CSMD3: variants seen among roughly 807,000 people sequenced by gnomAD.
CSMD3 encodes the protein CUB and Sushi multiple domains 3.
CSMD3 carries 177 observed loss-of-function variants against 435.2 expected under a neutral mutation model. The observed-to-expected ratio is 0.41, with a 90% CI of 0.36 to 0.46. The LOEUF (loss-of-function observed/expected upper bound fraction) is 0.46, where lower values mean the gene tolerates loss of function less well. Among genes scored for constraint, CSMD3 ranks in the 20% least tolerant of loss-of-function variants. The pLI, the probability that CSMD3 is intolerant of heterozygous loss-of-function variation, is 0.34. For synonymous variants in CSMD3, 1,656 were observed against 1,520.5 expected (o/e 1.09, Z -2.07); for missense variants, 4,265 against 4,504.6 (o/e 0.95, Z 1.52).
At chr8:113,338,137 C>A (rs2094090895) in intron 1 of CSMD3, among the ~76,000 whole-genome samples, 1 of 151,606 alleles carries the variant, frequency 6.6e-6, no homozygotes, top group African/African-American at 2.4e-5. Context: ...TTAGTAGTCA[C>A]CCTGGTAAAA....
At position 112,472,716 on chromosome 8, in the gene CSMD3, A is replaced by C. The variant is rs947726474; in HGVS notation, c.5279-9T>G. ...ACGACTTCCACAGGGCGCTAGGAAA[A>C]AATGGCAAAAATATCATTTTTAGAA... On this transcript the variant is annotated splice_polypyrimidine_tract_variant and intron_variant, in intron 31 of 70. Coordinates refer to ENST00000297405, the MANE Select transcript of CSMD3 (RefSeq NM_198123.2). The C allele has an allele frequency of 1.4e-6, 2 of 1,456,556 alleles. No individual in the cohort carries two copies. The highest frequency in any genetic ancestry group is 2.8e-5 in the African/African-American group (2 of 71,902). The allele number at this position is 1,456,556 out of a possible 1,614,324, so 90.2% of individuals were successfully genotyped here.
At chr8:113,273,957 T>C (rs940109778) in intron 3 of CSMD3, among the ~76,000 whole-genome samples, 2 of 152,014 alleles carry the variant, frequency 1.3e-5, no homozygotes, top group Non-Finnish European at 2.9e-5. Context: ...AAATAAAATA[T>C]AAGAATAAGT....
chr8:113,402,008 C>T (rs1312468593), intron 1 of CSMD3, among the ~76,000 whole-genome samples: 1 of 151,412 alleles, frequency 6.6e-6, no homozygotes, highest in Non-Finnish European at 1.5e-5. Context: ...CTGAATGTGT[C>T]CCCATCTTTA....
At chr8:112,252,333 G>T (rs970370497) in intron 63 of CSMD3, among the ~76,000 whole-genome samples, 2 of 151,880 alleles carry the variant, frequency 1.3e-5, no homozygotes, top group Non-Finnish European at 2.9e-5. Flanking sequence ...TTGGCCATAT[G>T]GCCAATCTGC....
intron 5 of CSMD3, among the ~76,000 whole-genome samples, chr8:113,090,720 T>C (rs971291286): frequency 6.6e-6 from 1 of 152,152 alleles, no homozygotes; most frequent in Non-Finnish European, 1.5e-5. Flanking sequence ...TGCTTACATA[T>C]AAGTTAACAA....
At chr8:112,751,985 T>C (rs765140060) in intron 13 of CSMD3, among the ~76,000 whole-genome samples, 7 of 152,026 alleles carry the variant, frequency 4.6e-5, no homozygotes, top group Non-Finnish European at 8.8e-5. Context: ...CTCTCCCACA[T>C]CATGTTTCCA....
At chr8:113,291,387 T>C (rs193161557) in intron 2 of CSMD3, among the ~76,000 whole-genome samples, 1 of 151,944 alleles carries the variant, frequency 6.6e-6, no homozygotes, top group Admixed American at 6.6e-5. Flanking sequence ...TAGGACTTCA[T>C]TGGGGGAATT....
rs565352317 is a variant in CSMD3, at chr8:112,594,253, C to T, written c.3716-7018G>A. On this transcript the variant is annotated intron_variant, in intron 22 of 70. Transcript: ENST00000297405. ...TCCCTTTCCGAGTCAAAGAAAGGGGCGATGGACGCACCTGGAAAATCGGGT... is the reference window on the plus strand; with the variant it reads ...TCCCTTTCCGAGTCAAAGAAAGGGGTGATGGACGCACCTGGAAAATCGGGT... 7.2e-5 allele frequency among the ~76,000 whole-genome samples: 11 copies of T among 152,202 alleles called. No individual in the cohort carries two copies. In the East Asian group the frequency reaches 1.6e-3, roughly 22 times the overall value.
chr8:113,132,407 G>C (rs2091306243), intron 4 of CSMD3, among the ~76,000 whole-genome samples: 1 of 152,098 alleles, frequency 6.6e-6, no homozygotes, highest in East Asian at 1.9e-4. Flanking sequence ...ATTGGATCAT[G>C]GGTACAGGTT....
At chr8:113,234,785 T>C (rs150683852) in intron 3 of CSMD3, among the ~76,000 whole-genome samples, 1 of 152,260 alleles carries the variant, frequency 6.6e-6, no homozygotes, top group East Asian at 1.9e-4. Context: ...ATGGTGTATC[T>C]ATGGAATGAA....
intron 1 of CSMD3, among the ~76,000 whole-genome samples, chr8:113,435,135 AC>A (rs2094697850): frequency 6.6e-6 from 1 of 152,048 alleles, no homozygotes; most frequent in African/African-American, 2.4e-5. Flanking sequence ...CGACAAAGAA[AC>A]CTTGTAAGCA....
intron 9 of CSMD3, 44 bp downstream of exon 9, chr8:112,947,746 A>G (rs1370245624): frequency 5.9e-6 from 5 of 843,222 alleles, no homozygotes; most frequent in Non-Finnish European, 8.2e-6. Flanking sequence ...ATTAAAATAA[A>G]CCTTGACAAG....
At chr8:113,373,280 T>A (rs987002318) in intron 1 of CSMD3, among the ~76,000 whole-genome samples, 7 of 152,072 alleles carry the variant, frequency 4.6e-5, no homozygotes, top group African/African-American at 1.7e-4. Context: ...ATCTCTGCAT[T>A]TATTTACTCG....
At chr8:113,092,412 T>C (rs1012070878) in intron 5 of CSMD3, among the ~76,000 whole-genome samples, 1 of 152,086 alleles carries the variant, frequency 6.6e-6, no homozygotes, top group African/African-American at 2.4e-5. Flanking sequence ...AGATTGCTAG[T>C]TATCCTCTAA....
chr8:112,223,036 T>C lies in CSMD3; in HGVS notation c.*1735A>G. 2.5e-6 allele frequency: 1 copy of C among 398,516 alleles called. No individual in the cohort carries two copies. 24.7% of individuals were successfully genotyped at this position (398,516 alleles called of 1,614,324 possible). A position where few individuals can be genotyped will look rare whatever the true frequency, so the allele number is the denominator to read the frequency against. On this transcript the variant is annotated 3_prime_UTR_variant, in exon 71 of 71. Transcript: ENST00000297405. ...AAAAATATACTTCTTTACAAAAGTG[T>C]ATGCATTAATATAAGAGGAGTAGCC...
chr8:112,506,995 T>A (rs188212388), intron 28 of CSMD3, among the ~76,000 whole-genome samples, 166 bp from the exon 29 acceptor site: 36 of 152,244 alleles, frequency 2.4e-4, no homozygotes, highest in African/African-American at 7.9e-4. Flanking sequence ...AGAAAGACCA[T>A]TAAAATATTG....
At chr8:112,568,841 A>G (rs1219944577) in intron 24 of CSMD3, among the ~76,000 whole-genome samples, 1 of 152,124 alleles carries the variant, frequency 6.6e-6, no homozygotes, top group Non-Finnish European at 1.5e-5. Flanking sequence ...TCTTTAACCT[A>G]ATTTTTTTAA....
At chr8:113,136,046 T>A (rs2091410296) in intron 4 of CSMD3, among the ~76,000 whole-genome samples, 1 of 151,764 alleles carries the variant, frequency 6.6e-6, no homozygotes, top group Non-Finnish European at 1.5e-5. Flanking sequence ...TTGAGAAACT[T>A]AAGACATAGT....
At chr8:112,249,626 T>G (rs1469404588) in intron 63 of CSMD3, among the ~76,000 whole-genome samples, 1 of 152,122 alleles carries the variant, frequency 6.6e-6, no homozygotes, top group African/African-American at 2.4e-5. Flanking sequence ...CCCATTAGGA[T>G]AAAGTTACAT....
Sources: allele counts gnomAD v4.1 joint callset (sites outside exome capture counted in the v4.1 genomes callset), GRCh38; gene constraint gnomAD v4.1.1; transcripts MANE v1.5; gene names NCBI Gene and HGNC (gene_info 2026-07-23, HGNC 2026-07-21).